The following GPC5 variants were observed in gnomAD, a reference collection of about 807,000 sequenced individuals.
GPC5 encodes the protein glypican-5.
GPC5 carries 47 observed loss-of-function variants against 53.9 expected under a neutral mutation model. The observed-to-expected ratio is 0.87, with a 90% confidence interval of 0.69 to 1.11. The LOEUF is 1.11. GPC5 is among the 50% of genes most tolerant of loss of function. The probability of loss-of-function intolerance (pLI) is 0.00; values close to 1 mark genes in which losing one functional copy is unlikely to be tolerated. For missense variants in GPC5, 748 were observed against 713.1 expected, an observed-to-expected ratio of 1.05 and a Z score of -0.56; for synonymous variants, 286 against 263.3, an observed-to-expected ratio of 1.09 and a Z score of -0.84.
chr13:92,348,529 GA>G (rs1301491694), intron 7 of GPC5, among the ~76,000 whole-genome samples: 1 of 152,040 alleles, frequency 6.6e-6, no homozygotes, highest in Non-Finnish European at 1.5e-5. Flanking sequence ...TATTCATACA[GA>G]AAATTAATAA....
At chr13:91,876,508 T>C (rs1392359427) in intron 5 of GPC5, among the ~76,000 whole-genome samples, 1 of 152,178 alleles carries the variant, frequency 6.6e-6, no homozygotes, top group Admixed American at 6.5e-5. Context: ...GTGAAGAAAC[T>C]GGCAGCATTT....
intron 7 of GPC5, among the ~76,000 whole-genome samples, chr13:92,754,859 A>G (rs1348844891): frequency 4.2e-5 from 6 of 144,246 alleles, no homozygotes; most frequent in East Asian, 2.4e-4. Context: ...AAAGAGACTT[A>G]GACTCCCACA....
chr13:91,499,614 G>A (rs1040774605), intron 2 of GPC5, among the ~76,000 whole-genome samples: 2 of 152,164 alleles, frequency 1.3e-5, no homozygotes, highest in African/African-American at 4.8e-5. Flanking sequence ...CTTCTGCTGA[G>A]CCATGTAAAT....
At chr13:91,909,916 T>C (rs955723284) in intron 6 of GPC5, among the ~76,000 whole-genome samples, 2 of 152,140 alleles carry the variant, frequency 1.3e-5, no homozygotes, top group African/African-American at 4.8e-5. Flanking sequence ...ACCTTTCTTT[T>C]TTAGCTTCTG....
At chr13:91,560,754 AT>A (rs34174470) in intron 2 of GPC5, among the ~76,000 whole-genome samples, 39,657 of 151,250 alleles carry the variant, frequency 0.26, 5,902 homozygotes, top group African/African-American at 0.42. Flanking sequence ...TATTAATGTG[AT>A]TTTTTTTAGG....
chr13:91,693,028 G>A lies in GPC5; in HGVS notation c.326-159G>A, dbSNP rs138756945. ...TTGTAGGCAATGGTCATTCTTGTCC[G>A]GTCATTATCCTTGGAAAGCTGAATT... On this transcript the variant is annotated intron_variant, in intron 2 of 7. Transcript: ENST00000377067. Among the ~76,000 whole-genome samples, 10 of 152,252 alleles carry A rather than the reference G, an allele frequency of 6.6e-5. No homozygotes were observed. The East Asian group carries it at 1.9e-3, about 29-fold the overall frequency.
intron 2 of GPC5, among the ~76,000 whole-genome samples, chr13:91,637,500 G>A (rs1248101313): frequency 6.6e-6 from 1 of 152,132 alleles, no homozygotes; most frequent in Admixed American, 6.5e-5. Flanking sequence ...TAGTCATGTA[G>A]GATGAAAGGA....
chr13:91,584,845 C>G (rs1214018835), intron 2 of GPC5, among the ~76,000 whole-genome samples: 3 of 152,134 alleles, frequency 2.0e-5, no homozygotes, highest in Admixed American at 6.5e-5. Flanking sequence ...TCCCAAAGTG[C>G]TGGGATTACA....
intron 1 of GPC5, among the ~76,000 whole-genome samples, chr13:91,437,376 A>C (rs1437205395): frequency 1.3e-5 from 2 of 152,162 alleles, no homozygotes; most frequent in South Asian, 4.1e-4. Flanking sequence ...CTTTTAGGGC[A>C]GGCCTGGTGG....
chr13:91,971,936 T>A (rs2040246248), intron 6 of GPC5, among the ~76,000 whole-genome samples: 1 of 152,194 alleles, frequency 6.6e-6, no homozygotes, highest in Admixed American at 6.5e-5. Flanking sequence ...AAAAAATGTA[T>A]ATTCTGTTGA....
chr13:92,437,474 C>T (rs1877355208), intron 7 of GPC5, among the ~76,000 whole-genome samples: 1 of 151,986 alleles, frequency 6.6e-6, no homozygotes, highest in East Asian at 1.9e-4. Flanking sequence ...AAATAATATA[C>T]ACATTATACC....
rs1190580453 is a variant in GPC5 at position 92,651,449 on chromosome 13, T to A, written c.1562-214833T>A. Among the ~76,000 whole-genome samples, 14 of 152,174 alleles carry A rather than the reference T, an allele frequency of 9.2e-5. No individual in the cohort carries two copies. The East Asian group carries it at 2.7e-3, about 29-fold the overall frequency. On this transcript the variant is annotated intron_variant, in intron 7 of 7. Transcript: ENST00000377067. ...AGAGAAACATCAATCAAATCCCAAT[T>A]GAGGGGCATTCTACAAAATACCTGA...
In GPC5 at chr13:92,231,491, C is replaced by T. The variant is rs191045054; in HGVS notation, c.1561+86502C>T. On this transcript the variant is annotated intron_variant, in intron 7 of 7. Transcript: ENST00000377067. ...ATAGATGCAGAGACCCCTAAAGAAT[C>T]CCTCAGAAATTCCTCTTGAGATGAA... Among the ~76,000 whole-genome samples, 341 of 152,138 alleles carry T rather than the reference C, an allele frequency of 2.2e-3. 1 individual carries two copies. The highest frequency in any genetic ancestry group is 7.8e-3 in the African/African-American group (325 of 41,466).
chr13:92,072,780 A>C (rs1238611317), intron 6 of GPC5, among the ~76,000 whole-genome samples: 1 of 151,746 alleles, frequency 6.6e-6, no homozygotes, highest in Non-Finnish European at 1.5e-5. Context: ...TATGTTGGCC[A>C]GGCTGGTCTT....
intron 6 of GPC5, among the ~76,000 whole-genome samples, chr13:92,060,936 G>T (rs375068266): frequency 6.6e-6 from 1 of 152,040 alleles, no homozygotes; most frequent in African/African-American, 2.4e-5. Context: ...GCAGCTATCC[G>T]TAGGCAATAG....
At chr13:91,864,901 CT>C (rs71705146) in intron 5 of GPC5, among the ~76,000 whole-genome samples, 5,019 of 138,444 alleles carry the variant, frequency 0.036, 249 homozygotes, top group East Asian at 0.22. Flanking sequence ...AATTTTCTTT[CT>C]TTTTTTTTTT....
chr13:91,972,961 C>A (rs940197034), intron 6 of GPC5, among the ~76,000 whole-genome samples: 3 of 152,098 alleles, frequency 2.0e-5, no homozygotes, highest in Non-Finnish European at 4.4e-5. Flanking sequence ...TTGCTCTTCT[C>A]GAGGAGTATC....
chr13:92,493,649 G>A (rs1566614842), intron 7 of GPC5, among the ~76,000 whole-genome samples: 1 of 152,186 alleles, frequency 6.6e-6, no homozygotes. Context: ...TCAGAGTTCA[G>A]TAATTCCTAA....
At chr13:92,010,337 C>A (rs984865573) in intron 6 of GPC5, among the ~76,000 whole-genome samples, 15 of 152,154 alleles carry the variant, frequency 9.9e-5, no homozygotes, top group African/African-American at 3.4e-4. Flanking sequence ...TTGTTGTTTT[C>A]TAATATGTAG....
Sources: allele counts gnomAD v4.1 joint callset (sites outside exome capture counted in the v4.1 genomes callset), GRCh38; gene constraint gnomAD v4.1.1; transcripts MANE v1.5; gene names NCBI Gene and HGNC (gene_info 2026-07-23, HGNC 2026-07-21).